Variants in CSMD2 observed in about 807,000 individuals in gnomAD.
CSMD2 encodes the protein CUB and Sushi multiple domains 2.
In CSMD2, 130 loss-of-function variants were observed where a neutral mutation model predicts 398.5. The observed-to-expected ratio is 0.33, with a 90% CI of 0.28 to 0.38. CSMD2 has a LOEUF of 0.38. Among genes scored for constraint, CSMD2 ranks in the 10% least tolerant of loss-of-function variants. The pLI is 1.00. For synonymous variants in CSMD2, 1,828 were observed against 1,908.5 expected (o/e 0.96, Z 1.10); for missense variants, 3,829 against 4,764.9 (o/e 0.80, Z 5.78).
chr1:33,743,924 A>G (rs1647173438), intron 13 of CSMD2, among the ~76,000 whole-genome samples: 2 of 152,196 alleles, frequency 1.3e-5, no homozygotes, highest in South Asian at 2.1e-4. Context: ...CTATCAATCC[A>G]TCCAACTGTC....
At chr1:33,600,141 G>A (rs1557599931) in intron 44 of CSMD2, 2 of 714,144 alleles carry the variant, frequency 2.8e-6, no homozygotes, top group Non-Finnish European at 2.6e-6. Context: ...GAAGTCTCAA[G>A]TGGGGAAGGG....
rs1646956788 is a variant in CSMD2 at position 34,003,284 on chromosome 1, A to G, written c.517+29310T>C. On this transcript the variant is annotated intron_variant, in intron 3 of 70. Transcript: ENST00000373381. The stretch of plus-strand genomic sequence containing the variant: ...CTTGAGGTCTTTACAGTGGAATTGG[A>G]TTAATCTCTGAGAACAAGTGCTCTT... Among the ~76,000 whole-genome samples, 4 of 152,224 alleles carry G rather than the reference A, an allele frequency of 2.6e-5. No individual in the cohort carries two copies. In the South Asian group the frequency reaches 8.3e-4, roughly 32 times the overall value.
At chr1:34,054,599 G>A (rs1653605906) in intron 2 of CSMD2, among the ~76,000 whole-genome samples, 1 of 152,110 alleles carries the variant, frequency 6.6e-6, no homozygotes, top group African/African-American at 2.4e-5. Context: ...AATTAGCCGG[G>A]CGTGGTGGCA....
At chr1:33,835,723 A>AAAAG (rs1660163810) in intron 6 of CSMD2, among the ~76,000 whole-genome samples, 1 of 150,430 alleles carries the variant, frequency 6.6e-6, no homozygotes, top group Non-Finnish European at 1.5e-5. Flanking sequence ...TCAAAAAAAA[A>AAAAG]AAGGACTTCT....
At chr1:33,708,545 C>A (rs909951747) in intron 22 of CSMD2, among the ~76,000 whole-genome samples, 2 of 151,478 alleles carry the variant, frequency 1.3e-5, no homozygotes, top group Admixed American at 6.6e-5. Context: ...TGTTGACGGT[C>A]AGGGCTCAAA....
In CSMD2 at chr1:33,744,073, A is replaced by G. The variant is rs1647182219; in HGVS notation, c.1847-467T>C. 2.6e-5 allele frequency among the ~76,000 whole-genome samples: 4 copies of G among 152,002 alleles called. 1 individual carries two copies. Among genetic ancestry groups the G allele is most frequent in the Admixed American group, 2.6e-4 (4 of 15,252 alleles). On this transcript the variant is annotated intron_variant, in intron 13 of 70. Coordinates refer to ENST00000373381, the MANE Select transcript of CSMD2 (RefSeq NM_001281956.2). ...GACCTCTCCCATTTTTTGAGTATTT[A>G]CAGATTGGATGTGTCTGGATGTGAA...
At chr1:33,563,819 G>A (rs1480583107) in intron 53 of CSMD2, among the ~76,000 whole-genome samples, 2 of 152,184 alleles carry the variant, frequency 1.3e-5, no homozygotes, top group Non-Finnish European at 2.9e-5. Flanking sequence ...CAAGGGAACT[G>A]ACTGAGGAAA....
chr1:33,559,617 A>G lies in CSMD2; in HGVS notation c.8381-144T>C, dbSNP rs1178692219. 5.6e-6 allele frequency: 4 copies of G among 716,080 alleles called. No homozygotes were observed. In the East Asian group the frequency reaches 8.1e-5, roughly 15 times the overall value. 44.4% of individuals were successfully genotyped at this position (716,080 alleles called of 1,614,324 possible). A position where few individuals can be genotyped will look rare whatever the true frequency, so the allele number is the denominator to read the frequency against. ...CAATCTCTTTTGCTGTAAAACCTTT[A>G]TAAACTGAAATTGTCAGGGGAACAT... On this transcript the variant is annotated intron_variant, in intron 53 of 70. Transcript: ENST00000373381. The surrounding 1 kb of genome is among the most constrained non-coding windows in gnomAD (Gnocchi z 4.0).
At chr1:33,845,590 C>A (rs1461987500) in intron 6 of CSMD2, among the ~76,000 whole-genome samples, 1 of 152,184 alleles carries the variant, frequency 6.6e-6, no homozygotes, top group Non-Finnish European at 1.5e-5. Context: ...CAGAAAGATA[C>A]AGACAGCTGT....
In CSMD2 at chr1:33,514,046, T is replaced by C. The variant is rs1276532044; in HGVS notation, c.*2578A>G. The C allele has an allele frequency of 6.6e-6, 1 of 152,568 alleles. No individual in the cohort carries two copies. Among genetic ancestry groups the C allele is most frequent in the Non-Finnish European group, 1.5e-5 (1 of 68,018 alleles). The allele number at this position is 152,568 out of a possible 1,614,324, so 9.5% of individuals were successfully genotyped here. A position where few individuals can be genotyped will look rare whatever the true frequency, so the allele number is the denominator to read the frequency against. On this transcript the variant is annotated 3_prime_UTR_variant, in exon 71 of 71. Transcript: ENST00000373381. ...TTATATTTTATTTGAATTCAAAAAATTTAAAATTGCTTTCAAATTCAGGAA... is the reference window on the plus strand; with the variant it reads ...TTATATTTTATTTGAATTCAAAAAACTTAAAATTGCTTTCAAATTCAGGAA...
chr1:33,721,044 G>A (rs1380108255), intron 19 of CSMD2, among the ~76,000 whole-genome samples: 1 of 152,138 alleles, frequency 6.6e-6, no homozygotes, highest in Non-Finnish European at 1.5e-5. Flanking sequence ...ATTAGGTGAT[G>A]CCTTTAAGTG....
At chr1:33,865,447 T>G (rs1639959589) in intron 5 of CSMD2, among the ~76,000 whole-genome samples, 1 of 151,726 alleles carries the variant, frequency 6.6e-6, no homozygotes, top group African/African-American at 2.4e-5. Context: ...ATCAATCGTT[T>G]TTCAGTGGAT....
intron 48 of CSMD2, among the ~76,000 whole-genome samples, chr1:33,578,148 AC>A (rs1320650652): frequency 6.6e-6 from 1 of 152,140 alleles, no homozygotes; most frequent in African/African-American, 2.4e-5. Context: ...GCAACCTGGG[AC>A]ACACATTTCC....
chr1:34,052,591 A>G (rs1653333261), intron 2 of CSMD2, among the ~76,000 whole-genome samples: 1 of 151,274 alleles, frequency 6.6e-6, no homozygotes, highest in Non-Finnish European at 1.5e-5. Context: ...TATAGGTTCT[A>G]TTTCTCTGGA....
intron 28 of CSMD2, among the ~76,000 whole-genome samples, chr1:33,648,571 T>C (rs1643587831): frequency 6.6e-6 from 1 of 152,196 alleles, no homozygotes. Context: ...ATGGGTTTTT[T>C]TCTTTTTTAT....
At chr1:34,080,891 T>C (rs1431366446) in intron 2 of CSMD2, among the ~76,000 whole-genome samples, 2 of 133,776 alleles carry the variant, frequency 1.5e-5, no homozygotes, top group Non-Finnish European at 1.6e-5. Context: ...ACCAATAAAA[T>C]AGGCAAACTT....
intron 39 of CSMD2, among the ~76,000 whole-genome samples, chr1:33,616,124 G>A (rs576316940): frequency 1.3e-5 from 2 of 152,346 alleles, no homozygotes; most frequent in South Asian, 4.1e-4. Context: ...AAGGGGAGAT[G>A]CTGTCTTTTC....
chr1:33,947,507 C>T (rs1025937223), intron 3 of CSMD2, among the ~76,000 whole-genome samples: 2 of 152,242 alleles, frequency 1.3e-5, no homozygotes, highest in Non-Finnish European at 2.9e-5. Flanking sequence ...TCACAGCCAT[C>T]TCTCTTAAGG....
At chr1:33,738,936 C>A (rs1646968063) in intron 15 of CSMD2, among the ~76,000 whole-genome samples, 1 of 151,808 alleles carries the variant, frequency 6.6e-6, no homozygotes, top group African/African-American at 2.4e-5. Flanking sequence ...CTACTTTAAT[C>A]TCTGGTTATA....
Sources: allele counts gnomAD v4.1 joint callset (sites outside exome capture counted in the v4.1 genomes callset), GRCh38; gene constraint gnomAD v4.1.1; non-coding constraint Gnocchi (gnomAD v3.1); transcripts MANE v1.5; gene names NCBI Gene and HGNC (gene_info 2026-07-23, HGNC 2026-07-21).